MYO16: variants seen among roughly 807,000 people sequenced by gnomAD.
The protein encoded by MYO16 is myosin XVI, also known as unconventional myosin-XVI.
A neutral mutation model predicts 205.3 loss-of-function variants in MYO16; 94 were observed. The ratio of observed to expected loss-of-function variants is 0.46; its 90% CI spans 0.39 to 0.54. MYO16 has a LOEUF of 0.54. MYO16 is among the 20% of genes least tolerant of loss of function. MYO16 has a pLI of 0.00. For missense variants in MYO16, 2,315 were observed against 2,387.5 expected, an observed-to-expected ratio of 0.97 and a Z score of 0.63; for synonymous variants, 988 against 954.0, an observed-to-expected ratio of 1.04 and a Z score of -0.66.
rs747329689 is a variant in MYO16, at chr13:108,761,371, GA to G, written c.508-24256del. On this transcript the variant is annotated intron_variant, in intron 4 of 34. Transcript: ENST00000457511. ...GATCATGGACACTAAAAAAGAAAAA[GA>G]AAAAAAAGCTCTCTTACAAAGATGG... Among the ~76,000 whole-genome samples, 4 of 150,342 alleles carry G rather than the reference GA, an allele frequency of 2.7e-5. No homozygotes were observed. In the East Asian group the frequency reaches 5.8e-4, roughly 22 times the overall value.
At chr13:108,703,286 G>A (rs1296687638) in intron 2 of MYO16, among the ~76,000 whole-genome samples, 1 of 151,884 alleles carries the variant, frequency 6.6e-6, no homozygotes. Flanking sequence ...GTAAATATCA[G>A]GTAACTCAAC....
At chr13:108,563,977 T>C in the MYO16 span, among the ~76,000 whole-genome samples, 1 of 152,190 alleles carries the variant, frequency 6.6e-6, no homozygotes, top group Non-Finnish European at 1.5e-5. Context: ...ACTAGGGTTC[T>C]CTTTTCTCCA....
chr13:109,161,096 G>C (rs906003071), intron 32 of MYO16, among the ~76,000 whole-genome samples: 1 of 152,178 alleles, frequency 6.6e-6, no homozygotes, highest in African/African-American at 2.4e-5. Context: ...ATGAGCGGAG[G>C]CTGATGCATA....
chr13:108,558,371 A>G, the MYO16 span, among the ~76,000 whole-genome samples: 36 of 152,322 alleles, frequency 2.4e-4, no homozygotes, highest in African/African-American at 8.2e-4. Context: ...ATCAAGAGGC[A>G]TCATCTTTGC....
chr13:108,585,438 A>G, the MYO16 span, among the ~76,000 whole-genome samples: 3 of 152,200 alleles, frequency 2.0e-5, no homozygotes, highest in African/African-American at 7.2e-5. Flanking sequence ...AGGATTGTGG[A>G]AACCAAGTTT....
intron 2 of MYO16, among the ~76,000 whole-genome samples, chr13:108,707,724 C>G (rs563618967): frequency 1.3e-5 from 2 of 152,152 alleles, no homozygotes; most frequent in South Asian, 4.1e-4. Flanking sequence ...CCAAATGAGG[C>G]GTTCAGAGGT....
chr13:108,548,219 G>T, the MYO16 span, among the ~76,000 whole-genome samples: 1 of 150,162 alleles, frequency 6.7e-6, no homozygotes, highest in Admixed American at 6.6e-5. Flanking sequence ...GATGATGATG[G>T]TGGTGGTGGT....
At chr13:108,644,692 T>C (rs1322587508) in intron 1 of MYO16, among the ~76,000 whole-genome samples, 1 of 152,160 alleles carries the variant, frequency 6.6e-6, no homozygotes, top group East Asian at 1.9e-4. Context: ...CTTATCTTCA[T>C]CATTGATTCA....
chr13:108,631,467 A>G (rs1308900312), intron 1 of MYO16, among the ~76,000 whole-genome samples: 2 of 152,240 alleles, frequency 1.3e-5, no homozygotes, highest in African/African-American at 4.8e-5. Flanking sequence ...GGTGATGTCA[A>G]TTGGAGCCTG....
At chr13:108,516,372 G>A in the MYO16 span, among the ~76,000 whole-genome samples, 1 of 151,918 alleles carries the variant, frequency 6.6e-6, no homozygotes, top group Non-Finnish European at 1.5e-5. Context: ...TGCGCCCACT[G>A]TCTGGCACTC....
At chr13:108,497,312 A>C in the MYO16 span, among the ~76,000 whole-genome samples, 1 of 152,178 alleles carries the variant, frequency 6.6e-6, no homozygotes, top group Non-Finnish European at 1.5e-5. Context: ...TCATCTGTGG[A>C]TTAAGGGTGC....
chr13:108,823,478 C>A (rs1359183393), intron 9 of MYO16, among the ~76,000 whole-genome samples, 200 bp downstream of exon 9: 3 of 152,114 alleles, frequency 2.0e-5, no homozygotes, highest in Non-Finnish European at 2.9e-5. Flanking sequence ...TAAAAACAAT[C>A]TTACTATATC....
chr13:108,941,956 T>C (rs1882748448), intron 16 of MYO16, among the ~76,000 whole-genome samples: 1 of 152,226 alleles, frequency 6.6e-6, no homozygotes, highest in South Asian at 2.1e-4. Flanking sequence ...TTTGTTTAAT[T>C]GACTTTGAAT....
chr13:108,847,678 T>A (rs1350366136), intron 10 of MYO16, among the ~76,000 whole-genome samples: 4 of 152,128 alleles, frequency 2.6e-5, no homozygotes, highest in African/African-American at 9.7e-5. Context: ...TGATTTGACA[T>A]TTTATTTTTT....
chr13:108,793,586 C>T lies in MYO16; in HGVS notation c.687C>T (p.His229=), dbSNP rs1886689529. 2 of 1,613,746 alleles carry T rather than the reference C, an allele frequency of 1.2e-6. No homozygotes were observed. Among genetic ancestry groups the T allele is most frequent in the Non-Finnish European group, 1.7e-6 (2 of 1,179,698 alleles). Residue 229 remains histidine (H), a synonymous_variant, in exon 6 of 35, where the codon CAC becomes CAT. Coordinates refer to ENST00000457511, the MANE Select transcript of MYO16 (RefSeq NM_001198950.3). ...RPMSMLTDVK[H]FLSSGGNVNE... ...TGAGTATGTTAACAGATGTCAAACA[C>T]TTCTTATCATCTGGAGGAAATGTCA...
rs1263039856 is a variant in MYO16, at chr13:109,052,470, A to G, written c.3043A>G (p.Ser1015Gly). 6.3e-7 allele frequency: 1 copy of G among 1,594,370 alleles called. No homozygotes were observed. The highest frequency in any genetic ancestry group is 8.6e-7 in the Non-Finnish European group (1 of 1,167,180). Residue 1015 changes from serine to glycine, a missense_variant, in exon 25 of 35, where the codon AGT (serine) becomes GGT (glycine). By Grantham distance (56) the Ser-to-Gly change is moderately conservative. Coordinates refer to ENST00000457511, the MANE Select transcript of MYO16 (RefSeq NM_001198950.3). ...AGAAAACAAGAATTATCTAGAACTT[A>G]GTAAGGTAGGAGTTTTTATGATTAT... ...IGENKNYLEL[S>G]KLLKKKGTST...
intron 4 of MYO16, among the ~76,000 whole-genome samples, chr13:108,783,303 T>C (rs1461385146): frequency 6.6e-6 from 1 of 152,164 alleles, no homozygotes; most frequent in Non-Finnish European, 1.5e-5. Context: ...CTACTAAATT[T>C]CAGACTTGCT....
At chr13:108,683,783 T>C (rs1882560582) in intron 2 of MYO16, among the ~76,000 whole-genome samples, 1 of 152,184 alleles carries the variant, frequency 6.6e-6, no homozygotes, top group African/African-American at 2.4e-5. Flanking sequence ...TCTGGGGCCC[T>C]GGTGTGTGTC....
chr13:108,524,286 C>T, the MYO16 span, among the ~76,000 whole-genome samples: 4 of 149,478 alleles, frequency 2.7e-5, no homozygotes, highest in Non-Finnish European at 4.4e-5. Context: ...GCCTCGGCAA[C>T]AGGGCAAGAC....
Sources: gnomAD v4.1 joint callset for allele counts (sites outside exome capture counted in the v4.1 genomes callset) on GRCh38, gnomAD v4.1.1 for gene constraint, MANE v1.5 for transcripts, NCBI Gene and HGNC (gene_info 2026-07-23, HGNC 2026-07-21) for gene names.